DOCK5: variants seen among roughly 807,000 people sequenced by gnomAD.
DOCK5 encodes the protein dedicator of cytokinesis protein 5.
A neutral mutation model predicts 251.8 loss-of-function variants in DOCK5; 142 were observed. The observed-to-expected ratio is 0.56, with a 90% confidence interval of 0.49 to 0.65. DOCK5 has a LOEUF of 0.65. Ranked by LOEUF, DOCK5 falls within the 30% of genes least tolerant of loss-of-function variation. DOCK5 has a pLI of 0.00. For synonymous variants in DOCK5, 842 were observed against 835.5 expected, an observed-to-expected ratio of 1.01 and a Z score of -0.13; for missense variants, 2,111 against 2,312.3, an observed-to-expected ratio of 0.91 and a Z score of 1.79.
intron 11 of DOCK5, among the ~76,000 whole-genome samples, chr8:25,307,122 C>A: frequency 6.9e-6 from 1 of 145,452 alleles, no homozygotes; most frequent in South Asian, 2.2e-4. Flanking sequence ...CATTAATAAT[C>A]TTTTTTTTTT....
chr8:25,263,674 C>T (rs896672446), intron 2 of DOCK5, among the ~76,000 whole-genome samples: 14 of 151,594 alleles, frequency 9.2e-5, no homozygotes, highest in Non-Finnish European at 1.8e-4. Flanking sequence ...GTCCTATGTG[C>T]GGATACCCCC....
intron 38 of DOCK5, 100 bp from the exon 39 acceptor site, chr8:25,380,205 A>G: frequency 9.8e-7 from 1 of 1,025,584 alleles, no homozygotes; most frequent in Admixed American, 2.1e-5. Context: ...TCAATCCCCC[A>G]GACCACTTGC....
At chr8:25,248,092 T>C (rs1481768560) in intron 2 of DOCK5, among the ~76,000 whole-genome samples, 1 of 152,202 alleles carries the variant, frequency 6.6e-6, no homozygotes, top group Non-Finnish European at 1.5e-5. Context: ...CTGAGTTCAT[T>C]AACCACCAAG....
chr8:25,319,539 C>A lies in DOCK5; in HGVS notation c.1444-39C>A, dbSNP rs777466750. ...TATGGGGTCCTCTTACTTTTCTAAA[C>A]AAAATTATTCCCTTCTAATTTTTTC... is the stretch of plus-strand genomic sequence containing the variant. On this transcript the variant is annotated intron_variant, in intron 14 of 51. Transcript: ENST00000276440. 1.1e-5 allele frequency: 16 copies of A among 1,485,762 alleles called. No homozygotes were observed. In the African/African-American group the frequency reaches 2.2e-4, roughly 21 times the overall value. The allele number at this position is 1,485,762 out of a possible 1,614,324, so 92.0% of individuals were successfully genotyped here.
intron 2 of DOCK5, among the ~76,000 whole-genome samples, chr8:25,263,687 G>A (rs541497903): frequency 2.0e-5 from 3 of 150,894 alleles, no homozygotes; most frequent in South Asian, 4.2e-4. Context: ...ATACCCCCTC[G>A]CCCCACTTAG....
At chr8:25,186,436 G>A (rs1269011376) in intron 1 of DOCK5, among the ~76,000 whole-genome samples, 2 of 150,956 alleles carry the variant, frequency 1.3e-5, no homozygotes, top group African/African-American at 4.9e-5. Context: ...GTGCAGTGGC[G>A]CAATCTCGGC....
chr8:25,242,671 T>C (rs1358805532), intron 1 of DOCK5, among the ~76,000 whole-genome samples: 1 of 152,240 alleles, frequency 6.6e-6, no homozygotes, highest in African/African-American at 2.4e-5. Context: ...GGTTGTCTTC[T>C]TTTTTTGAGT....
intron 13 of DOCK5, among the ~76,000 whole-genome samples, chr8:25,315,548 C>T (rs4487779): frequency 0.031 from 4,666 of 152,312 alleles, 99 homozygotes; most frequent in East Asian, 0.068. Context: ...ATGAATGTTA[C>T]CTCCATTACG....
Position 25,389,246 on chromosome 8 carries a change from G to A in DOCK5, c.4273+14G>A, listed in dbSNP as rs182779409. On this transcript the variant is annotated intron_variant, in intron 41 of 51. Coordinates refer to ENST00000276440, the MANE Select transcript of DOCK5 (RefSeq NM_024940.8). ...CCCCCAAGCAGTGTATCCTTTCCGG[G>A]GGGAGTATGGCCCCGAGGCTCTTAT... The A allele has an allele frequency of 4.0e-5, 64 of 1,611,332 alleles. No individual in the cohort carries two copies. The African/African-American group carries it at 6.1e-4, about 15-fold the overall frequency.
intron 40 of DOCK5, among the ~76,000 whole-genome samples, chr8:25,384,983 A>G (rs1801138497): frequency 2.0e-5 from 3 of 152,196 alleles, no homozygotes; most frequent in Admixed American, 2.0e-4. Context: ...CCTCTGTTTC[A>G]GCTGCAACCT....
At chr8:25,353,694 T>TC (rs1800512279) in intron 27 of DOCK5, among the ~76,000 whole-genome samples, 1 of 152,172 alleles carries the variant, frequency 6.6e-6, no homozygotes, top group South Asian at 2.1e-4. Flanking sequence ...GCTTAACTGA[T>TC]CTGTCTTTTC....
intron 45 of DOCK5, among the ~76,000 whole-genome samples, chr8:25,396,673 G>A (rs80007139): frequency 0.025 from 3,733 of 152,090 alleles, 172 homozygotes; most frequent in African/African-American, 0.085. Context: ...TGTCAAGGAC[G>A]CCCCTGTGGA....
At chr8:25,224,480 T>C (rs757065865) in intron 1 of DOCK5, among the ~76,000 whole-genome samples, 3 of 152,200 alleles carry the variant, frequency 2.0e-5, no homozygotes, top group Non-Finnish European at 4.4e-5. Flanking sequence ...GTGGCATATA[T>C]TATGGACATT....
At chr8:25,355,286 A>G (rs541597674) in intron 27 of DOCK5, among the ~76,000 whole-genome samples, 19 of 152,304 alleles carry the variant, frequency 1.2e-4, no homozygotes, top group African/African-American at 4.6e-4. Flanking sequence ...AGCTTTTTCT[A>G]TAATTTCTAG....
chr8:25,308,141 A>G (rs1212967231), intron 11 of DOCK5, among the ~76,000 whole-genome samples: 1 of 152,144 alleles, frequency 6.6e-6, no homozygotes, highest in African/African-American at 2.4e-5. Flanking sequence ...TGCCTTCAGT[A>G]GAATGGAGGC....
intron 38 of DOCK5, among the ~76,000 whole-genome samples, chr8:25,378,258 C>T (rs1800999212): frequency 6.6e-6 from 1 of 152,070 alleles, no homozygotes; most frequent in South Asian, 2.1e-4. Context: ...TGGGTATGAT[C>T]CTGGGGTGGG....
intron 1 of DOCK5, among the ~76,000 whole-genome samples, chr8:25,207,745 A>T (rs1319727465): frequency 6.6e-6 from 1 of 152,226 alleles, no homozygotes. Flanking sequence ...ATGGAGATGG[A>T]CAAGGAGATT....
chr8:25,215,683 A>G (rs964319770), intron 1 of DOCK5, among the ~76,000 whole-genome samples: 17 of 152,248 alleles, frequency 1.1e-4, no homozygotes, highest in Admixed American at 2.6e-4. Flanking sequence ...AACAGTATGT[A>G]TGATTAGAAC....
chr8:25,360,211 G>A (rs1041467779), intron 28 of DOCK5, among the ~76,000 whole-genome samples: 1 of 152,164 alleles, frequency 6.6e-6, no homozygotes, highest in African/African-American at 2.4e-5. Context: ...ATGCCCACAT[G>A]GTGGACAAAC....
Sources: allele counts gnomAD v4.1 joint callset (sites outside exome capture counted in the v4.1 genomes callset), GRCh38; gene constraint gnomAD v4.1.1; transcripts MANE v1.5; gene names NCBI Gene and HGNC (gene_info 2026-07-23, HGNC 2026-07-21).